Variants in IMPG1 observed in about 807,000 individuals in gnomAD.
The protein encoded by IMPG1 is interphotoreceptor matrix proteoglycan of 150 kDa.
IMPG1 carries 85 observed loss-of-function variants against 92.0 expected under a neutral mutation model. The ratio of observed to expected loss-of-function variants is 0.92; its 90% CI spans 0.78 to 1.11. IMPG1 has a LOEUF of 1.11. Among genes scored for constraint, IMPG1 ranks in the 50% least tolerant of loss-of-function variants. The pLI is 0.00. For missense variants in IMPG1, 1,022 were observed against 956.0 expected (o/e 1.07, Z -0.91); for synonymous variants, 367 against 334.1 (o/e 1.10, Z -1.08).
At chr6:75,942,101 A>G (rs1479257936) in intron 14 of IMPG1, among the ~76,000 whole-genome samples, 5 of 152,308 alleles carry the variant, frequency 3.3e-5, no homozygotes, top group East Asian at 1.9e-4. Context: ...CAGTTTTGCT[A>G]TAGTTGACTA....
At chr6:75,976,145 T>C (rs1342727852) in intron 12 of IMPG1, among the ~76,000 whole-genome samples, 1 of 152,216 alleles carries the variant, frequency 6.6e-6, no homozygotes, top group Non-Finnish European at 1.5e-5. Context: ...GTAAATAAAA[T>C]CTTCAATATG....
chr6:76,017,835 C>A (rs576579922), intron 7 of IMPG1, among the ~76,000 whole-genome samples: 200 of 152,332 alleles, frequency 1.3e-3, no homozygotes, highest in Non-Finnish European at 2.5e-3. Context: ...TCACTGCCAC[C>A]TCTGCCCCCC....
chr6:76,054,724 C>A (rs188761799), intron 1 of IMPG1, among the ~76,000 whole-genome samples: 1 of 152,014 alleles, frequency 6.6e-6, no homozygotes, highest in Non-Finnish European at 1.5e-5. Context: ...TTCAAGCCAC[C>A]AATGTGACAT....
rs147614663 is a variant in IMPG1 at position 75,947,522 on chromosome 6, A to C, written c.1836T>G (p.Tyr612Ter). 1.2e-4 allele frequency: 186 copies of C among 1,612,552 alleles called. No individual in the cohort carries two copies. Among genetic ancestry groups the C allele is most frequent in the Non-Finnish European group, 1.5e-4 (176 of 1,179,028 alleles). Reference protein sequence around the residue: ...EQQFTQLLVPYLRSNLTGFKQ... With the variant: ...EQQFTQLLVP ...TAAATCCTGTAAGATTGGATCGTAGATATGGAACCAGCTGCAAAATAAAAG... is the reference window on the plus strand; with the variant it reads ...TAAATCCTGTAAGATTGGATCGTAGCTATGGAACCAGCTGCAAAATAAAAG... Residue 612 changes from tyrosine (Y) to a stop codon, truncating the protein, a stop_gained, in exon 14 of 17, where the codon TAT (tyrosine) becomes TAG (stop). Transcript: ENST00000369950. LOFTEE classifies it high-confidence loss of function.
At chr6:75,946,598 G>C (rs369876876) in intron 14 of IMPG1, among the ~76,000 whole-genome samples, 5 of 152,160 alleles carry the variant, frequency 3.3e-5, no homozygotes, top group African/African-American at 1.2e-4. Flanking sequence ...GTCACAGCTG[G>C]TTACAATGGT....
At position 75,933,186 on chromosome 6, in the gene IMPG1, C is replaced by T. The variant is rs199686544; in HGVS notation, c.2045-2035G>A. 8.2e-3 allele frequency among the ~76,000 whole-genome samples: 1,248 copies of T among 152,204 alleles called. 16 individuals carry two copies. The highest frequency in any genetic ancestry group is 0.028 in the African/African-American group (1,150 of 41,510). On this transcript the variant is annotated intron_variant, in intron 14 of 16. Coordinates refer to ENST00000369950, the MANE Select transcript of IMPG1 (RefSeq NM_001563.4). ...GGGCAAAGAGACTTGAGATCAATAG[C>T]AGATTCAGGAGAAAAAAGTAGATGC...
At chr6:76,009,982 C>T (rs992508622) in intron 8 of IMPG1, among the ~76,000 whole-genome samples, 1 of 152,182 alleles carries the variant, frequency 6.6e-6, no homozygotes, top group African/African-American at 2.4e-5. Flanking sequence ...TTTCTCTAAT[C>T]CATCTGATTT....
rs192444884 is a variant in IMPG1, at chr6:76,033,002, C to G, written c.497+1313G>C. ...ATAGTAGGGTAACTTGTGCAAAGTT[C>G]ACTAAAGGGATTATTTATGAAGTTG... On this transcript the variant is annotated intron_variant, in intron 4 of 16. Transcript: ENST00000369950. 2.2e-4 allele frequency among the ~76,000 whole-genome samples: 34 copies of G among 152,262 alleles called. 1 individual carries two copies. In the East Asian group the frequency reaches 6.4e-3, roughly 29 times the overall value.
At chr6:75,932,921 G>A (rs564093777) in intron 14 of IMPG1, among the ~76,000 whole-genome samples, 7 of 152,114 alleles carry the variant, frequency 4.6e-5, no homozygotes, top group South Asian at 2.1e-4. Flanking sequence ...GGCTGGTCTC[G>A]AACTCCTGAC....
At position 75,921,999 on chromosome 6, in the gene IMPG1, G is replaced by A; in HGVS notation, c.*90C>T. Reference sequence around the variant, plus strand: ...GTTGACTGTATGTCTGGATTTTGATGACCCATGAATATGCCTGTCTCCATT... The same window carrying A: ...GTTGACTGTATGTCTGGATTTTGATAACCCATGAATATGCCTGTCTCCATT... On this transcript the variant is annotated 3_prime_UTR_variant, in exon 17 of 17. Coordinates refer to ENST00000369950, the MANE Select transcript of IMPG1 (RefSeq NM_001563.4). 1 of 668,034 alleles carries A rather than the reference G, an allele frequency of 1.5e-6. No individual in the cohort carries two copies. Among genetic ancestry groups the A allele is most frequent in the Non-Finnish European group, 2.8e-6 (1 of 362,878 alleles). The allele number at this position is 668,034 out of a possible 1,614,324, so 41.4% of individuals were successfully genotyped here.
intron 15 of IMPG1, among the ~76,000 whole-genome samples, chr6:75,924,626 A>T (rs1422385488): frequency 4.7e-4 from 6 of 12,846 alleles, no homozygotes; most frequent in Admixed American, 3.1e-3. Flanking sequence ...ATATATAATA[A>T]ATTATATATT....
At chr6:75,980,272 T>G (rs966602248) in intron 12 of IMPG1, among the ~76,000 whole-genome samples, 2 of 152,244 alleles carry the variant, frequency 1.3e-5, no homozygotes, top group Admixed American at 1.3e-4. Context: ...AACATTTTTC[T>G]GAAAAGACTT....
At chr6:76,028,222 T>C (rs1293576275) in intron 4 of IMPG1, among the ~76,000 whole-genome samples, 1 of 152,232 alleles carries the variant, frequency 6.6e-6, no homozygotes, top group Non-Finnish European at 1.5e-5. Flanking sequence ...ACACTGGACG[T>C]TTTGCTATTC....
intron 2 of IMPG1, among the ~76,000 whole-genome samples, chr6:76,035,878 CA>C (rs1359989342): frequency 6.6e-6 from 1 of 152,192 alleles, no homozygotes; most frequent in Non-Finnish European, 1.5e-5. Context: ...TGAGGGACAA[CA>C]CACATTTTGG....
chr6:76,064,326 C>T (rs951685229), intron 1 of IMPG1, among the ~76,000 whole-genome samples: 4 of 151,414 alleles, frequency 2.6e-5, no homozygotes, highest in African/African-American at 9.7e-5. Context: ...GGTTCTGCAC[C>T]ACAGACATTT....
chr6:75,943,217 C>T (rs563910538), intron 14 of IMPG1, among the ~76,000 whole-genome samples: 140 of 152,246 alleles, frequency 9.2e-4, no homozygotes, highest in African/African-American at 3.3e-3. Context: ...AATGGTAGCT[C>T]GTACTGCTGT....
intron 1 of IMPG1, among the ~76,000 whole-genome samples, chr6:76,070,153 A>T (rs1051395252): frequency 3.3e-5 from 5 of 152,330 alleles, no homozygotes; most frequent in South Asian, 2.1e-4. Flanking sequence ...AAATTATTTT[A>T]AAAAATTAAC....
intron 6 of IMPG1, 54 bp from the exon 7 acceptor site, chr6:76,018,912 G>T: frequency 6.8e-7 from 1 of 1,472,392 alleles, no homozygotes; most frequent in Non-Finnish European, 9.1e-7. Flanking sequence ...ACAAATAAAT[G>T]GTTATTTTAG....
chr6:75,925,565 A>C (rs1781535776), intron 15 of IMPG1, among the ~76,000 whole-genome samples: 1 of 152,116 alleles, frequency 6.6e-6, no homozygotes, highest in African/African-American at 2.4e-5. Flanking sequence ...GGTGGCTCAT[A>C]CCTATAATAC....
Sources: allele counts gnomAD v4.1 joint callset (sites outside exome capture counted in the v4.1 genomes callset), GRCh38; gene constraint gnomAD v4.1.1; transcripts MANE v1.5; gene names NCBI Gene and HGNC (gene_info 2026-07-23, HGNC 2026-07-21).